The following CD28 variants were observed in gnomAD, a reference collection of about 807,000 sequenced individuals.
CD28 encodes T-cell-specific surface glycoprotein CD28.
In CD28, 8 loss-of-function variants were observed where a neutral mutation model predicts 21.4. That is an observed-to-expected ratio of 0.37 (90% CI 0.22 to 0.68). The LOEUF is 0.68. Ranked by LOEUF, CD28 falls within the 30% of genes least tolerant of loss-of-function variation. The probability of loss-of-function intolerance (pLI) is 0.55; values close to 1 mark genes in which losing one functional copy is unlikely to be tolerated. For synonymous variants in CD28, 106 were observed against 104.0 expected (o/e 1.02, Z -0.12); for missense variants, 239 against 272.2 (o/e 0.88, Z 0.86).
intron 1 of CD28, among the ~76,000 whole-genome samples, chr2:203,714,009 G>A (rs953351444): frequency 6.6e-6 from 1 of 151,862 alleles, no homozygotes; most frequent in Non-Finnish European, 1.5e-5. Context: ...AAGGAGATAG[G>A]GAGGGAGATT....
At chr2:203,723,031 A>G (rs1693645551) in intron 1 of CD28, among the ~76,000 whole-genome samples, 1 of 152,220 alleles carries the variant, frequency 6.6e-6, no homozygotes, top group Non-Finnish European at 1.5e-5. Context: ...CTATACCTAG[A>G]GATTCTGATT....
At chr2:203,725,804 A>G (rs947982536) in intron 1 of CD28, among the ~76,000 whole-genome samples, 3 of 152,190 alleles carry the variant, frequency 2.0e-5, no homozygotes, top group Non-Finnish European at 4.4e-5. Context: ...CTCTTGGGTT[A>G]TATTTTTTCT....
intron 3 of CD28, among the ~76,000 whole-genome samples, chr2:203,733,961 G>A (rs1269703890): frequency 6.6e-6 from 1 of 152,166 alleles, no homozygotes; most frequent in African/African-American, 2.4e-5. Flanking sequence ...TGTCATTCAT[G>A]TACAGCATTA....
chr2:203,730,101 G>A (rs952132682), intron 3 of CD28, among the ~76,000 whole-genome samples: 18 of 152,258 alleles, frequency 1.2e-4, no homozygotes, highest in East Asian at 5.8e-4. Context: ...GTTTTAATGC[G>A]TATATATGTA....
intron 1 of CD28, among the ~76,000 whole-genome samples, chr2:203,709,777 C>A (rs775034421): frequency 6.6e-5 from 10 of 152,146 alleles, no homozygotes; most frequent in Non-Finnish European, 1.5e-4. Context: ...TTTTAGCAAG[C>A]CTAATCATCC....
intron 1 of CD28, among the ~76,000 whole-genome samples, chr2:203,719,895 A>G (rs1440310014): frequency 6.6e-6 from 1 of 152,102 alleles, no homozygotes; most frequent in African/African-American, 2.4e-5. Context: ...TGGGAGCCAC[A>G]CCTTAGAGGT....
chr2:203,721,095 C>T (rs1028968220), intron 1 of CD28, among the ~76,000 whole-genome samples: 1 of 152,186 alleles, frequency 6.6e-6, no homozygotes, highest in African/African-American at 2.4e-5. Flanking sequence ...AACTAGGAGG[C>T]TGTTAGCTAC....
intron 3 of CD28, among the ~76,000 whole-genome samples, chr2:203,730,349 A>G (rs1018661967): frequency 2.0e-5 from 3 of 152,202 alleles, no homozygotes; most frequent in Non-Finnish European, 2.9e-5. Flanking sequence ...CTGAGCTCTC[A>G]CCACTGAATT....
intron 1 of CD28, among the ~76,000 whole-genome samples, chr2:203,713,385 G>T (rs1693368599): frequency 6.6e-6 from 1 of 152,176 alleles, no homozygotes; most frequent in Admixed American, 6.5e-5. Context: ...AAACTAACTG[G>T]CTCTGATGGG....
chr2:203,716,754 T>C (rs577719104), intron 1 of CD28, among the ~76,000 whole-genome samples: 1 of 152,350 alleles, frequency 6.6e-6, no homozygotes, highest in African/African-American at 2.4e-5. Flanking sequence ...TACATTATAG[T>C]GTCTGCCTGT....
intron 3 of CD28, among the ~76,000 whole-genome samples, chr2:203,730,938 C>T (rs1351653509): frequency 1.3e-5 from 2 of 152,192 alleles, no homozygotes; most frequent in African/African-American, 4.8e-5. Context: ...CACAGCCATG[C>T]CTTCCTATTA....
chr2:203,732,963 C>T (rs1251634101), intron 3 of CD28, among the ~76,000 whole-genome samples: 1 of 152,214 alleles, frequency 6.6e-6, no homozygotes, highest in East Asian at 1.9e-4. Context: ...GCTGTGGCCT[C>T]TCTACCAGCT....
At chr2:203,725,119 G>A (rs1016481336) in intron 1 of CD28, among the ~76,000 whole-genome samples, 1 of 151,848 alleles carries the variant, frequency 6.6e-6, no homozygotes, top group Non-Finnish European at 1.5e-5. Context: ...GAGAAACCCC[G>A]TCTCTACTAA....
chr2:203,716,382 A>G (rs1480578950), intron 1 of CD28, among the ~76,000 whole-genome samples: 3 of 152,196 alleles, frequency 2.0e-5, no homozygotes, highest in African/African-American at 7.2e-5. Flanking sequence ...TTCGGAGAGT[A>G]GCTGATTGTG....
At chr2:203,707,503 G>A (rs991744067) in intron 1 of CD28, among the ~76,000 whole-genome samples, 7 of 152,168 alleles carry the variant, frequency 4.6e-5, no homozygotes, top group African/African-American at 1.4e-4. Context: ...AGTCACCACA[G>A]AAGCTGCTAC....
chr2:203,723,691 A>C (rs928948899), intron 1 of CD28, among the ~76,000 whole-genome samples: 6 of 152,204 alleles, frequency 3.9e-5, no homozygotes, highest in African/African-American at 1.4e-4. Context: ...CCATGATGAG[A>C]TATCACTTCA....
intron 2 of CD28, 141 bp downstream of exon 2, chr2:203,727,130 AAATTTT>A (rs939728073): frequency 4.5e-5 from 28 of 627,476 alleles, no homozygotes; most frequent in Non-Finnish European, 6.9e-5. Context: ...GTTTTCAGAA[AAATTTT>A]TCCCTTTACT....
intron 1 of CD28, among the ~76,000 whole-genome samples, chr2:203,722,306 A>C (rs561827464): frequency 2.4e-4 from 37 of 152,358 alleles, no homozygotes; most frequent in African/African-American, 7.7e-4. Flanking sequence ...TCTAAGTAAA[A>C]AAAGGAAACA....
At chr2:203,713,937 T>C (rs1270834069) in intron 1 of CD28, among the ~76,000 whole-genome samples, 2 of 144,984 alleles carry the variant, frequency 1.4e-5, no homozygotes, top group East Asian at 4.1e-4. Flanking sequence ...TAGAGAAGGG[T>C]ATTATTAGGA....
Sources: gnomAD v4.1 joint callset for allele counts (sites outside exome capture counted in the v4.1 genomes callset) on GRCh38, gnomAD v4.1.1 for gene constraint, MANE v1.5 for transcripts, NCBI Gene and HGNC (gene_info 2026-07-23, HGNC 2026-07-21) for gene names.